The following NTRK2 variants were observed in gnomAD, a reference collection of about 807,000 sequenced individuals.
NTRK2 encodes the protein neurotrophic receptor tyrosine kinase 2, also known as BDNF/NT-3 growth factors receptor.
A neutral mutation model predicts 94.5 loss-of-function variants in NTRK2; 13 were observed. The observed-to-expected ratio is 0.14, with a 90% CI of 0.09 to 0.22. The LOEUF (loss-of-function observed/expected upper bound fraction) is 0.22. Ranked by LOEUF, NTRK2 falls within the 10% of genes least tolerant of loss-of-function variation. The pLI is 1.00. For missense variants in NTRK2, 639 were observed against 1,071.2 expected (o/e 0.60, Z 5.63); for synonymous variants, 372 against 407.4 (o/e 0.91, Z 1.05).
chr9:84,787,867 A>G (rs1248548570), intron 12 of NTRK2, among the ~76,000 whole-genome samples: 1 of 152,208 alleles, frequency 6.6e-6, no homozygotes, highest in African/African-American at 2.4e-5. Flanking sequence ...GAGCAGGACT[A>G]TGGAGACAGA....
At chr9:84,936,974 C>G (rs2078233580) in intron 15 of NTRK2, among the ~76,000 whole-genome samples, 1 of 152,120 alleles carries the variant, frequency 6.6e-6, no homozygotes, top group African/African-American at 2.4e-5. Flanking sequence ...ACGTAAGGGA[C>G]TAGCTGGACC....
At chr9:84,808,551 A>T (rs75097383) in intron 12 of NTRK2, among the ~76,000 whole-genome samples, 3,375 of 152,294 alleles carry the variant, frequency 0.022, 55 homozygotes, top group Non-Finnish European at 0.031. Context: ...AAAAGCTAAG[A>T]AGTTTGATTT....
Position 84,727,841 on chromosome 9 carries a change from G to T in NTRK2, c.1041G>T (p.Gln347His), listed in dbSNP as rs774048334. ...ACACGGAGTACCACGGCTGCCTCCAGCTGGATAATCCCACTCACATGAACA... is the reference window on the plus strand; with the variant it reads ...ACACGGAGTACCACGGCTGCCTCCATCTGGATAATCCCACTCACATGAACA... ...TNHTEYHGCL[Q>H]LDNPTHMNNG... Residue 347 changes from glutamine (Q) to histidine (H), a missense_variant, in exon 9 of 19, where the codon CAG becomes CAT. By Grantham distance (24) the Gln-to-His change is conservative. Around this residue, in one of 5 missense-constraint regions of NTRK2, gnomAD observed 343 missense variants for 571.5 expected, o/e 0.60. Coordinates refer to ENST00000277120, the MANE Select transcript of NTRK2 (RefSeq NM_006180.6). 1 of 1,614,182 alleles carries T rather than the reference G, an allele frequency of 6.2e-7. No individual in the cohort carries two copies. The highest frequency in any genetic ancestry group is 2.2e-5 in the East Asian group (1 of 44,884).
chr9:84,846,233 A>G (rs1460461418), intron 12 of NTRK2, among the ~76,000 whole-genome samples: 1 of 152,212 alleles, frequency 6.6e-6, no homozygotes, highest in Non-Finnish European at 1.5e-5. Context: ...TGATGTGAAC[A>G]TTTACCCTTT....
At chr9:84,775,893 T>C (rs1246016850) in intron 12 of NTRK2, among the ~76,000 whole-genome samples, 1 of 152,230 alleles carries the variant, frequency 6.6e-6, no homozygotes, top group African/African-American at 2.4e-5. Flanking sequence ...GTGATTTATA[T>C]GCTCTTTAAA....
chr9:84,835,049 G>A (rs1360873088), intron 12 of NTRK2, among the ~76,000 whole-genome samples: 2 of 152,018 alleles, frequency 1.3e-5, no homozygotes, highest in East Asian at 1.9e-4. Flanking sequence ...TTCCTTTGGC[G>A]GGGAAAACCA....
intron 16 of NTRK2, among the ~76,000 whole-genome samples, chr9:84,948,838 T>C (rs1012475206): frequency 1.3e-5 from 2 of 152,242 alleles, no homozygotes; most frequent in African/African-American, 4.8e-5. Context: ...TTCTATGTAA[T>C]GTGATGCAAA....
chr9:84,816,640 G>A (rs529841787), intron 12 of NTRK2, among the ~76,000 whole-genome samples: 23 of 151,988 alleles, frequency 1.5e-4, no homozygotes, highest in East Asian at 1.4e-3. Flanking sequence ...TTAGCTGGGC[G>A]TGGTGGCGGG....
intron 17 of NTRK2, among the ~76,000 whole-genome samples, chr9:85,012,017 C>T (rs1487315281): frequency 6.3e-5 from 6 of 94,998 alleles, no homozygotes; most frequent in Non-Finnish European, 1.4e-4. Context: ...GAGATGGAGT[C>T]TCACTCTGTC....
chr9:84,750,599 C>A (rs1162248714), intron 11 of NTRK2, among the ~76,000 whole-genome samples: 1 of 152,210 alleles, frequency 6.6e-6, no homozygotes, highest in East Asian at 1.9e-4. Context: ...TATTGGAACA[C>A]AGTTATGCCC....
At chr9:84,733,135 G>A (rs1210741991) in intron 9 of NTRK2, among the ~76,000 whole-genome samples, 1 of 152,184 alleles carries the variant, frequency 6.6e-6, no homozygotes, top group Non-Finnish European at 1.5e-5. Context: ...CCATCCGTTT[G>A]CAGAGAACAT....
intron 15 of NTRK2, among the ~76,000 whole-genome samples, chr9:84,942,359 T>A (rs1324525220): frequency 6.6e-6 from 1 of 152,258 alleles, no homozygotes; most frequent in Non-Finnish European, 1.5e-5. Context: ...TAGAAGTTCA[T>A]GCAGCATGCA....
At chr9:84,715,116 C>G (rs2061634960) in intron 6 of NTRK2, among the ~76,000 whole-genome samples, 1 of 152,080 alleles carries the variant, frequency 6.6e-6, no homozygotes, top group African/African-American at 2.4e-5. Flanking sequence ...CTGCTGTACT[C>G]CTTGATCATA....
At chr9:84,874,631 G>GGA in intron 14 of NTRK2, 2 of 1,061,722 alleles carry the variant, frequency 1.9e-6, no homozygotes, top group Non-Finnish European at 2.3e-6. Context: ...AAGGAAATGG[G>GGA]GAGAGAGCTA....
intron 9 of NTRK2, among the ~76,000 whole-genome samples, chr9:84,731,672 G>A (rs1210787265): frequency 1.3e-5 from 2 of 152,058 alleles, no homozygotes; most frequent in Non-Finnish European, 2.9e-5. Flanking sequence ...AGACGAGGTG[G>A]CAGACACTCT....
chr9:84,990,628 C>G (rs1828935787), intron 17 of NTRK2, among the ~76,000 whole-genome samples: 1 of 152,184 alleles, frequency 6.6e-6, no homozygotes, highest in Non-Finnish European at 1.5e-5. Context: ...TTTAGAAACT[C>G]TCCCACGTTG....
intron 6 of NTRK2, among the ~76,000 whole-genome samples, chr9:84,716,685 A>G (rs1267301830): frequency 6.6e-6 from 1 of 152,184 alleles, no homozygotes; most frequent in African/African-American, 2.4e-5. Context: ...ATCAGGTTTT[A>G]TCTCCCAAAT....
At chr9:84,979,184 G>A (rs1234807009) in intron 17 of NTRK2, among the ~76,000 whole-genome samples, 1 of 152,198 alleles carries the variant, frequency 6.6e-6, no homozygotes, top group East Asian at 1.9e-4. Context: ...CATAGAGAGT[G>A]ATTCTTCTGA....
chr9:84,886,015 A>C (rs1221918719), intron 14 of NTRK2, among the ~76,000 whole-genome samples: 4 of 152,060 alleles, frequency 2.6e-5, no homozygotes, highest in Admixed American at 6.6e-5. Context: ...TGGGTGACAG[A>C]GCAAGACTTC....
Sources: gnomAD v4.1 joint callset for allele counts (sites outside exome capture counted in the v4.1 genomes callset) on GRCh38, gnomAD v4.1.1 for gene constraint, gnomAD v4.1.1 regional missense constraint, MANE v1.5 for transcripts, NCBI Gene and HGNC (gene_info 2026-07-23, HGNC 2026-07-21) for gene names.